CSMD1: variants seen among roughly 807,000 people sequenced by gnomAD.
CSMD1 encodes the protein CUB and Sushi multiple domains 1.
A neutral mutation model predicts 417.5 loss-of-function variants in CSMD1; 213 were observed. The ratio of observed to expected loss-of-function variants is 0.51; its 90% CI spans 0.46 to 0.57. The LOEUF (loss-of-function observed/expected upper bound fraction) is 0.57. Among genes scored for constraint, CSMD1 ranks in the 20% least tolerant of loss-of-function variants. The pLI, the probability that CSMD1 is intolerant of heterozygous loss-of-function variation, is 0.00. For synonymous variants in CSMD1, 2,862 were observed against 1,736.8 expected (o/e 1.65, Z -16.11); for missense variants, 6,923 against 4,529.7 (o/e 1.53, Z -15.17).
chr8:3,490,535 G>C (rs1479578807), intron 11 of CSMD1, among the ~76,000 whole-genome samples: 2 of 152,046 alleles, frequency 1.3e-5, no homozygotes, highest in Non-Finnish European at 2.9e-5. Flanking sequence ...ATACGTGTGG[G>C]TTACATTTTT....
chr8:3,980,512 T>C (rs1416205339), intron 5 of CSMD1, among the ~76,000 whole-genome samples: 1 of 150,598 alleles, frequency 6.6e-6, no homozygotes, highest in Non-Finnish European at 1.5e-5. Context: ...TCTGCTTCTA[T>C]GTTGTTTATG....
chr8:3,753,043 C>G (rs578247714), intron 6 of CSMD1, among the ~76,000 whole-genome samples: 1 of 152,298 alleles, frequency 6.6e-6, no homozygotes, highest in Admixed American at 6.5e-5. Flanking sequence ...GTCTCCGTGA[C>G]CTGCTAGTTC....
At chr8:4,111,689 T>C (rs1801864517) in intron 3 of CSMD1, among the ~76,000 whole-genome samples, 1 of 152,166 alleles carries the variant, frequency 6.6e-6, no homozygotes, top group African/African-American at 2.4e-5. Context: ...AAACACCACA[T>C]GTTCTCACTT....
At chr8:4,922,812 C>T (rs1563774889) in intron 1 of CSMD1, among the ~76,000 whole-genome samples, 1 of 152,186 alleles carries the variant, frequency 6.6e-6, no homozygotes. Context: ...TCCTTCTACA[C>T]AGGGAAATGA....
chr8:3,823,151 G>A (rs1801836297), intron 5 of CSMD1, among the ~76,000 whole-genome samples: 1 of 152,232 alleles, frequency 6.6e-6, no homozygotes, highest in African/African-American at 2.4e-5. Flanking sequence ...TGTGGCTTGT[G>A]TCTTCATATC....
chr8:4,522,511 G>T (rs557303786), intron 2 of CSMD1, among the ~76,000 whole-genome samples: 1 of 152,318 alleles, frequency 6.6e-6, no homozygotes, highest in South Asian at 2.1e-4. Flanking sequence ...AAGAATATCT[G>T]AGGTATCTTT....
rs568770066 is a variant in CSMD1, at chr8:4,737,674, A to C, written c.86-100116T>G. Among the ~76,000 whole-genome samples, 8 of 152,334 alleles carry C rather than the reference A, an allele frequency of 5.3e-5. No homozygotes were observed. In the South Asian group the frequency reaches 8.3e-4, roughly 16 times the overall value. On this transcript the variant is annotated intron_variant, in intron 1 of 69. Coordinates refer to ENST00000635120, the MANE Select transcript of CSMD1 (RefSeq NM_033225.6). ...AAAAGAAAAAGAGACAGGTTGGATGAATGCAAGGAATAAATCATTTAATTC... is the reference window on the plus strand; with the variant it reads ...AAAAGAAAAAGAGACAGGTTGGATGCATGCAAGGAATAAATCATTTAATTC...
intron 26 of CSMD1, among the ~76,000 whole-genome samples, chr8:3,275,912 G>A (rs1307198696): frequency 6.6e-6 from 1 of 152,124 alleles, no homozygotes; most frequent in Non-Finnish European, 1.5e-5. Flanking sequence ...ATTGTCTGAA[G>A]CCTTCTTCTC....
chr8:2,994,018 T>C lies in CSMD1; in HGVS notation c.8377+3993A>G, dbSNP rs144228902. 7.0e-3 allele frequency among the ~76,000 whole-genome samples: 1,047 copies of C among 149,314 alleles called. 16 individuals are homozygous for C. Among genetic ancestry groups the C allele is most frequent in the African/African-American group, 0.022 (900 of 40,642 alleles). ...AAAGAAAAAAAATTAGCTGGACATA[T>C]TGGCACAATCCCAGCTACTTGAGAG... On this transcript the variant is annotated intron_variant, in intron 54 of 69. Transcript: ENST00000635120.
chr8:3,329,862 C>T (rs4875196), intron 23 of CSMD1, among the ~76,000 whole-genome samples: 7,295 of 152,162 alleles, frequency 0.048, 405 homozygotes, highest in East Asian at 0.25. Context: ...TGCCTATGGC[C>T]CACAGTCTCT....
intron 6 of CSMD1, among the ~76,000 whole-genome samples, chr8:3,709,679 T>C (rs1219042300): frequency 9.5e-6 from 1 of 105,576 alleles, no homozygotes; most frequent in Non-Finnish European, 2.0e-5. Context: ...TGCAGCAGCA[T>C]GTTTTTTTTT....
chr8:4,095,759 C>CG (rs1800975300), intron 3 of CSMD1, among the ~76,000 whole-genome samples: 1 of 152,096 alleles, frequency 6.6e-6, no homozygotes, highest in African/African-American at 2.4e-5. Context: ...TCTACATAGT[C>CG]CTATTACGTG....
intron 2 of CSMD1, among the ~76,000 whole-genome samples, chr8:4,472,816 A>G (rs975185634): frequency 2.0e-5 from 3 of 152,032 alleles, no homozygotes; most frequent in Non-Finnish European, 4.4e-5. Context: ...TACTTAAAAA[A>G]TTTGGTATAT....
intron 1 of CSMD1, among the ~76,000 whole-genome samples, chr8:4,832,335 C>T (rs1284732402): frequency 6.6e-6 from 1 of 152,078 alleles, no homozygotes; most frequent in Non-Finnish European, 1.5e-5. Context: ...TACGGAGATG[C>T]AATGCCTGAG....
intron 2 of CSMD1, among the ~76,000 whole-genome samples, chr8:4,626,374 G>A (rs1019728330): frequency 6.6e-6 from 1 of 151,960 alleles, no homozygotes; most frequent in African/African-American, 2.4e-5. Context: ...AAAGGAAAAA[G>A]TAACAGATAT....
At chr8:3,677,921 T>G (rs1370499108) in intron 7 of CSMD1, among the ~76,000 whole-genome samples, 1 of 152,120 alleles carries the variant, frequency 6.6e-6, no homozygotes, top group East Asian at 1.9e-4. Flanking sequence ...GAGCTGTTTG[T>G]ATTAGACAAA....
intron 3 of CSMD1, among the ~76,000 whole-genome samples, chr8:4,071,549 T>C (rs1799559370): frequency 6.6e-6 from 1 of 152,218 alleles, no homozygotes; most frequent in South Asian, 2.1e-4. Context: ...TGCATTAAAA[T>C]CCTTCTCCGC....
At chr8:4,021,007 C>G (rs894076045) in intron 4 of CSMD1, among the ~76,000 whole-genome samples, 1 of 152,156 alleles carries the variant, frequency 6.6e-6, no homozygotes, top group African/African-American at 2.4e-5. Flanking sequence ...TAAACTGCAT[C>G]TATTTATTAA....
At chr8:4,113,248 A>T (rs1196319859) in intron 3 of CSMD1, among the ~76,000 whole-genome samples, 1 of 152,184 alleles carries the variant, frequency 6.6e-6, no homozygotes, top group East Asian at 1.9e-4. Context: ...ATTGAAAGAA[A>T]GGACTGCACA....
Sources: gnomAD v4.1 joint callset for allele counts (sites outside exome capture counted in the v4.1 genomes callset) on GRCh38, gnomAD v4.1.1 for gene constraint, MANE v1.5 for transcripts, NCBI Gene and HGNC (gene_info 2026-07-23, HGNC 2026-07-21) for gene names.